Variants in COL4A3 observed in about 807,000 individuals in gnomAD.
COL4A3 encodes the protein collagen alpha-3(IV) chain.
COL4A3 carries 135 observed loss-of-function variants against 217.4 expected under a neutral mutation model. The ratio of observed to expected loss-of-function variants is 0.62; its 90% CI spans 0.54 to 0.72. COL4A3 has a LOEUF of 0.72. Ranked by LOEUF, COL4A3 falls within the 30% of genes least tolerant of loss-of-function variation. The probability of loss-of-function intolerance (pLI) is 0.00; values close to 1 mark genes in which losing one functional copy is unlikely to be tolerated. For synonymous variants in COL4A3, 690 were observed against 736.3 expected (o/e 0.94, Z 1.02); for missense variants, 1,868 against 2,119.9 (o/e 0.88, Z 2.33).
chr2:227,201,761 A>G (rs1453047126), intron 1 of COL4A3, among the ~76,000 whole-genome samples: 1 of 152,200 alleles, frequency 6.6e-6, no homozygotes, highest in Non-Finnish European at 1.5e-5. Context: ...AAGCATTGCA[A>G]CTGTATGTGT....
chr2:227,293,238 G>A lies in COL4A3; in HGVS notation c.3258G>A (p.Gly1086=), dbSNP rs147085074. 7,612 of 1,613,918 alleles carry A rather than the reference G, an allele frequency of 4.7e-3. 39 individuals are homozygous for A. The highest frequency in any genetic ancestry group is 0.02 in the Middle Eastern group (115 of 5,878). ...PGDMGKKGEM[G]QPGPPGHLGP... is the part of the protein sequence containing the mutation. ...ATATGGGAAAGAAAGGAGAAATGGG[G>A]CAACCTGGCCCACCTGGACATTTGG... The change falls in exon 38 of 52, where the codon GGG becomes GGA. Residue 1086 remains glycine, a synonymous_variant. Coordinates refer to ENST00000396578, the MANE Select transcript of COL4A3 (RefSeq NM_000091.5).
intron 25 of COL4A3, among the ~76,000 whole-genome samples, chr2:227,272,190 A>T (rs1278892570): frequency 6.6e-6 from 1 of 152,180 alleles, no homozygotes. Context: ...TGATGGTCTA[A>T]TATTAAGAGA....
intron 1 of COL4A3, among the ~76,000 whole-genome samples, chr2:227,203,135 ATG>A (rs2066861962): frequency 2.9e-5 from 1 of 33,980 alleles, no homozygotes; most frequent in Non-Finnish European, 5.4e-5. Context: ...ATATACATAT[ATG>A]TGTATATATG....
chr2:227,178,624 C>T (rs2125664181), intron 1 of COL4A3, among the ~76,000 whole-genome samples: 2 of 152,174 alleles, frequency 1.3e-5, no homozygotes, highest in Middle Eastern at 6.8e-3. Flanking sequence ...CTTCTGCCTC[C>T]CAGGTTCAAG....
chr2:227,287,072 C>T (rs183867199), intron 34 of COL4A3, among the ~76,000 whole-genome samples: 110 of 152,304 alleles, frequency 7.2e-4, no homozygotes, highest in Non-Finnish European at 1.2e-3. Flanking sequence ...AAGTATCTTA[C>T]GCTTTGTGGC....
intron 26 of COL4A3, among the ~76,000 whole-genome samples, chr2:227,275,853 C>T (rs12468691): frequency 0.81 from 122,564 of 152,062 alleles, 49,982 homozygotes; most frequent in Non-Finnish European, 0.88. Flanking sequence ...CAGTATTCAC[C>T]AACGTTTAAA....
At chr2:227,287,876 A>T (rs1311642561) in intron 34 of COL4A3, among the ~76,000 whole-genome samples, 1 of 152,192 alleles carries the variant, frequency 6.6e-6, no homozygotes, top group Non-Finnish European at 1.5e-5. Flanking sequence ...GGGGAAAGAG[A>T]ACATGATGAT....
chr2:227,222,159 T>TAAC (rs1294191929), intron 1 of COL4A3, among the ~76,000 whole-genome samples: 1 of 94,336 alleles, frequency 1.1e-5, no homozygotes, highest in Admixed American at 1.5e-4. Context: ...ATAATAATAA[T>TAAC]AATAATGATA....
At chr2:227,251,025 G>A (rs2069710127) in intron 9 of COL4A3, 115 bp from the exon 10 acceptor site, 1 of 812,492 alleles carries the variant, frequency 1.2e-6, no homozygotes. Context: ...ACTGAAAGGG[G>A]AGGTGTTATG....
chr2:227,226,110 G>C (rs1273253910), intron 1 of COL4A3, among the ~76,000 whole-genome samples: 1 of 152,254 alleles, frequency 6.6e-6, no homozygotes, highest in East Asian at 1.9e-4. Context: ...GCTGTGGTTT[G>C]GGGGGTGGGT....
Position 227,203,418 on chromosome 2 carries a change from TATAC to T in COL4A3, c.88-34542_88-34539del, listed in dbSNP as rs1195246729. Among the ~76,000 whole-genome samples the T allele has an allele frequency of 9.4e-5, 5 of 53,048 alleles. 2 individuals are homozygous for T. Among genetic ancestry groups the T allele is most frequent in the Admixed American group, 2.2e-4 (1 of 4,592 alleles). The allele number at this position is 53,048 out of a possible 152,430, so 34.8% of individuals were successfully genotyped here. A position where few individuals can be genotyped will look rare whatever the true frequency, so the allele number is the denominator to read the frequency against. On this transcript the variant is annotated intron_variant, in intron 1 of 51. Transcript: ENST00000396578. ...ATATGTGTATACATACATATATGTG[TATAC>T]ATACATATATGTGTGTATATGTGTA...
rs56065709 is a variant in COL4A3, at chr2:227,302,677, C to CAAAAAAAAAAAAAAAAAAAAAAAA, written c.3883-355_3883-332dup. 9.9e-4 allele frequency among the ~76,000 whole-genome samples: 79 copies of CAAAAAAAAAAAAAAAAAAAAAAAA among 79,890 alleles called. 6 individuals are homozygous for CAAAAAAAAAAAAAAAAAAAAAAAA. Among genetic ancestry groups the CAAAAAAAAAAAAAAAAAAAAAAAA allele is most frequent in the Admixed American group, 1.5e-3 (9 of 6,188 alleles). 52.4% of individuals were successfully genotyped at this position (79,890 alleles called of 152,430 possible). On this transcript the variant is annotated intron_variant, in intron 43 of 51. Transcript: ENST00000396578. Reference sequence around the variant, plus strand: ...GGAGGACAAAACGAGACTCTTTCTCCAAAAAAAAAAAAAAAAAAAAAAAAA... The same window carrying CAAAAAAAAAAAAAAAAAAAAAAAA: ...GGAGGACAAAACGAGACTCTTTCTCCAAAAAAAAAAAAAAAAAAAAAAAAAAAAAAAAAAAAAAAAAAAAAAAAA...
intron 3 of COL4A3, among the ~76,000 whole-genome samples, chr2:227,242,359 C>T (rs750852906): frequency 3.3e-5 from 5 of 152,172 alleles, no homozygotes; most frequent in Admixed American, 6.5e-5. Context: ...GAGCTTCTGT[C>T]GCCATGGAGT....
At chr2:227,276,314 C>T (rs1574763737) in intron 26 of COL4A3, 71 bp from the exon 27 acceptor site, 6 of 1,116,128 alleles carry the variant, frequency 5.4e-6, no homozygotes, top group Admixed American at 5.2e-5. Flanking sequence ...CCTTTATAAT[C>T]GTATTTTCCG....
In COL4A3 at chr2:227,248,464, GA is replaced by G; in HGVS notation, c.491del (p.Asp164ValfsTer2). ...CAAGGGTGCTCCTGCTAAAGAAGAA[GA>G]TATAGAACTTGATGCAAAAGGCGAC... ...GQKGAPAKEE[D>X]IELDAKGDPG... On this transcript the variant is annotated frameshift_variant, in exon 9 of 52. Coordinates refer to ENST00000396578, the MANE Select transcript of COL4A3 (RefSeq NM_000091.5). LOFTEE classifies it high-confidence loss of function. The G allele has an allele frequency of 6.2e-7, 1 of 1,612,672 alleles. No individual in the cohort carries two copies. The highest frequency in any genetic ancestry group is 8.5e-7 in the Non-Finnish European group (1 of 1,178,766).
At chr2:227,249,230 A>ATATATATATATATATATTTTTTTTTTT in intron 9 of COL4A3, among the ~76,000 whole-genome samples, 5 of 14,692 alleles carry the variant, frequency 3.4e-4, no homozygotes, top group Admixed American at 8.1e-4. Flanking sequence ...ATATATATAT[A>ATATATATATATATATATTTTTTTTTTT]TTTTTTTTTT....
Position 227,192,262 on chromosome 2 carries a change from G to A in COL4A3, c.87+27449G>A, listed in dbSNP as rs186741803. On this transcript the variant is annotated intron_variant, in intron 1 of 51. Coordinates refer to ENST00000396578, the MANE Select transcript of COL4A3 (RefSeq NM_000091.5). Reference sequence around the variant, plus strand: ...TGTCTAAACCTAGTTATAGAATTGTGAAGAAGGCTAAGTTTGTGTCTGGTT... The same window carrying A: ...TGTCTAAACCTAGTTATAGAATTGTAAAGAAGGCTAAGTTTGTGTCTGGTT... 5.9e-5 allele frequency among the ~76,000 whole-genome samples: 9 copies of A among 152,290 alleles called. No individual in the cohort carries two copies. In the East Asian group the frequency reaches 1.7e-3, roughly 29 times the overall value.
chr2:227,165,845 A>C (rs1292107882), intron 1 of COL4A3, among the ~76,000 whole-genome samples: 1 of 139,256 alleles, frequency 7.2e-6, no homozygotes, highest in Non-Finnish European at 1.5e-5. Flanking sequence ...ATTATAGGTG[A>C]AACTAAAGCC....
At chr2:227,267,757 A>T (rs989779110) in intron 23 of COL4A3, among the ~76,000 whole-genome samples, 1 of 149,972 alleles carries the variant, frequency 6.7e-6, no homozygotes, top group Admixed American at 6.7e-5. Flanking sequence ...GTGTTTTTTT[A>T]AAAAAATATT....
Sources: gnomAD v4.1 joint callset for allele counts (sites outside exome capture counted in the v4.1 genomes callset) on GRCh38, gnomAD v4.1.1 for gene constraint, MANE v1.5 for transcripts, NCBI Gene and HGNC (gene_info 2026-07-23, HGNC 2026-07-21) for gene names.